The following SKAP2 variants were observed in gnomAD, a reference collection of about 807,000 sequenced individuals.
SKAP2 encodes the protein src kinase associated phosphoprotein 2, also known as src kinase-associated phosphoprotein 2.
In SKAP2, 28 loss-of-function variants were observed where a neutral mutation model predicts 54.9. The ratio of observed to expected loss-of-function variants is 0.51; its 90% CI spans 0.38 to 0.70. SKAP2 has a LOEUF of 0.70. SKAP2 is among the 30% of genes least tolerant of loss of function. The pLI is 0.00. For synonymous variants in SKAP2, 137 were observed against 134.3 expected, an observed-to-expected ratio of 1.02 and a Z score of -0.14; for missense variants, 356 against 424.1, an observed-to-expected ratio of 0.84 and a Z score of 1.41.
chr7:26,788,538 T>A (rs115485450), intron 4 of SKAP2, among the ~76,000 whole-genome samples: 3,142 of 152,186 alleles, frequency 0.021, 94 homozygotes, highest in African/African-American at 0.072. Context: ...ACTGTCAGAA[T>A]TTAAATTGGC....
intron 4 of SKAP2, among the ~76,000 whole-genome samples, chr7:26,748,229 A>C (rs1002017532): frequency 6.6e-6 from 1 of 152,178 alleles, no homozygotes; most frequent in Non-Finnish European, 1.5e-5. Context: ...TTGGTCTAAC[A>C]ATAAACCACT....
At position 26,767,431 on chromosome 7, in the gene SKAP2, A is replaced by AT. The variant is rs200945821; in HGVS notation, c.308-27468dup. On this transcript the variant is annotated intron_variant, in intron 4 of 12. Transcript: ENST00000345317. ...AAAAAACCAGTTCCTGAATTCATTG[A>AT]TTTTTTGAAGGGTTTTTTGTGTCTC... Among the ~76,000 whole-genome samples, 69 of 152,120 alleles carry AT rather than the reference A, an allele frequency of 4.5e-4. 1 individual carries two copies. Among genetic ancestry groups the AT allele is most frequent in the African/African-American group, 1.6e-3 (67 of 41,502 alleles).
chr7:26,723,583 T>C (rs1291363989), intron 9 of SKAP2, among the ~76,000 whole-genome samples: 3 of 152,126 alleles, frequency 2.0e-5, no homozygotes, highest in Admixed American at 2.0e-4. Context: ...TGAAGAATAA[T>C]ATCTCCAGTA....
intron 6 of SKAP2, among the ~76,000 whole-genome samples, chr7:26,733,496 T>C (rs1414396036): frequency 6.6e-6 from 1 of 152,040 alleles, no homozygotes; most frequent in Admixed American, 6.6e-5. Flanking sequence ...TATACAAATA[T>C]AAGTACTGTC....
chr7:26,793,754 G>A (rs1383472308), intron 4 of SKAP2, among the ~76,000 whole-genome samples: 1 of 152,232 alleles, frequency 6.6e-6, no homozygotes, highest in African/African-American at 2.4e-5. Flanking sequence ...TCTCACAGTC[G>A]ATGATCCTCT....
At chr7:26,774,383 C>T (rs1192184022) in intron 4 of SKAP2, among the ~76,000 whole-genome samples, 2 of 152,080 alleles carry the variant, frequency 1.3e-5, no homozygotes, top group Non-Finnish European at 1.5e-5. Context: ...CTCACACACA[C>T]ACACATACAC....
At chr7:26,802,968 T>G (rs1001453555) in intron 4 of SKAP2, among the ~76,000 whole-genome samples, 2 of 151,914 alleles carry the variant, frequency 1.3e-5, no homozygotes, top group East Asian at 3.9e-4. Context: ...AAAAATCAAA[T>G]CAAAATGGAT....
chr7:26,776,924 A>G (rs1049413427), intron 4 of SKAP2, among the ~76,000 whole-genome samples: 1 of 152,056 alleles, frequency 6.6e-6, no homozygotes, highest in Non-Finnish European at 1.5e-5. Context: ...GCACATCTAC[A>G]TCCTGTGCTG....
chr7:26,767,522 T>G (rs923590285), intron 4 of SKAP2, among the ~76,000 whole-genome samples: 2 of 152,070 alleles, frequency 1.3e-5, no homozygotes, highest in African/African-American at 4.8e-5. Context: ...GAATTTGTTC[T>G]TGCTTCTCTA....
chr7:26,713,550 A>AGGAAATGT (rs1008865415), intron 9 of SKAP2, among the ~76,000 whole-genome samples: 1 of 152,158 alleles, frequency 6.6e-6, no homozygotes, highest in Admixed American at 6.5e-5. Flanking sequence ...AAAAAGCAAC[A>AGGAAATGT]GGAAATGTGG....
chr7:26,679,621 T>C (rs1163037566), intron 11 of SKAP2, among the ~76,000 whole-genome samples: 1 of 152,246 alleles, frequency 6.6e-6, no homozygotes, highest in African/African-American at 2.4e-5. Flanking sequence ...TCAGATATCC[T>C]AGTTACTCTG....
At chr7:26,748,519 A>G (rs1291866842) in intron 4 of SKAP2, among the ~76,000 whole-genome samples, 3 of 152,184 alleles carry the variant, frequency 2.0e-5, no homozygotes, top group South Asian at 4.2e-4. Context: ...AAAAAATTTA[A>G]ATCAAATTTT....
chr7:26,727,765 G>C (rs1787738977), intron 6 of SKAP2, among the ~76,000 whole-genome samples: 3 of 152,040 alleles, frequency 2.0e-5, no homozygotes, highest in Admixed American at 2.0e-4. Context: ...TATAACAAAG[G>C]ACTTAATATT....
chr7:26,785,017 C>T (rs2127979492), intron 4 of SKAP2, among the ~76,000 whole-genome samples: 1 of 152,164 alleles, frequency 6.6e-6, no homozygotes, highest in South Asian at 2.1e-4. Flanking sequence ...TTCTTTGAGG[C>T]ACATCTGGAA....
intron 3 of SKAP2, among the ~76,000 whole-genome samples, chr7:26,847,835 A>T (rs1784957304): frequency 6.6e-6 from 1 of 152,184 alleles, no homozygotes; most frequent in Admixed American, 6.5e-5. Context: ...AAAGACATGA[A>T]TGTGTCCCTG....
At chr7:26,768,796 T>C (rs1783120180) in intron 4 of SKAP2, among the ~76,000 whole-genome samples, 2 of 152,236 alleles carry the variant, frequency 1.3e-5, no homozygotes, top group South Asian at 4.1e-4. Context: ...CACTCTCTTC[T>C]GGCTTACAGG....
chr7:26,723,968 C>T (rs1787639253), intron 9 of SKAP2, among the ~76,000 whole-genome samples: 3 of 151,930 alleles, frequency 2.0e-5, no homozygotes, highest in Admixed American at 2.0e-4. Flanking sequence ...ATATTCTTCC[C>T]TACTTGAGGA....
At chr7:26,720,676 C>T (rs960700435) in intron 9 of SKAP2, among the ~76,000 whole-genome samples, 4 of 152,030 alleles carry the variant, frequency 2.6e-5, no homozygotes, top group South Asian at 2.1e-4. Flanking sequence ...ACAATCATGG[C>T]GGAAGGGGAA....
chr7:26,727,116 T>A (rs1055142112), intron 6 of SKAP2, 110 bp from the exon 7 acceptor site: 1 of 818,368 alleles, frequency 1.2e-6, no homozygotes, highest in Admixed American at 3.1e-5. Context: ...TTTGGTCATA[T>A]TGCTTTAGTA....
Sources: allele counts gnomAD v4.1 joint callset (sites outside exome capture counted in the v4.1 genomes callset), GRCh38; gene constraint gnomAD v4.1.1; transcripts MANE v1.5; gene names NCBI Gene and HGNC (gene_info 2026-07-23, HGNC 2026-07-21).